WDR93: variants seen among roughly 807,000 people sequenced by gnomAD.
WDR93 encodes the protein WD repeat domain 93, also known as WD repeat-containing protein 93.
A neutral mutation model predicts 82.9 loss-of-function variants in WDR93; 73 were observed. The observed-to-expected ratio is 0.88, with a 90% CI of 0.73 to 1.07. The LOEUF (loss-of-function observed/expected upper bound fraction) is 1.07. Among genes scored for constraint, WDR93 ranks in the 50% least tolerant of loss-of-function variants. The probability of loss-of-function intolerance (pLI) is 0.00; values close to 1 mark genes in which losing one functional copy is unlikely to be tolerated. For synonymous variants in WDR93, 283 were observed against 300.1 expected (o/e 0.94, Z 0.59); for missense variants, 738 against 826.0 (o/e 0.89, Z 1.31).
chr15:89,711,970 A>G, intron 4 of WDR93, 56 bp from the exon 5 acceptor site: 2 of 1,442,088 alleles, frequency 1.4e-6, no homozygotes, highest in Non-Finnish European at 1.9e-6. Context: ...AGGTCCTGAA[A>G]TACATTCTCT....
chr15:89,731,685 G>T, intron 12 of WDR93, 123 bp downstream of exon 12: 1 of 1,334,184 alleles, frequency 7.5e-7, no homozygotes, highest in Non-Finnish European at 1.0e-6. Context: ...AGTCACCTTG[G>T]GGAACTGGTC....
intron 4 of WDR93, among the ~76,000 whole-genome samples, chr15:89,706,168 T>C (rs1021416063): frequency 3.3e-5 from 5 of 152,242 alleles, no homozygotes; most frequent in Admixed American, 1.3e-4. Flanking sequence ...AGTTTGTTCA[T>C]GTGACTGCTT....
rs932518338 is a variant in WDR93, at chr15:89,743,540, A to G, written c.*149A>G. 18 of 692,162 alleles carry G rather than the reference A, an allele frequency of 2.6e-5. No homozygotes were observed. Among genetic ancestry groups the G allele is most frequent in the African/African-American group, 1.1e-4 (6 of 55,594 alleles). 42.9% of individuals were successfully genotyped at this position (692,162 alleles called of 1,614,324 possible). A position where few individuals can be genotyped will look rare whatever the true frequency, so the allele number is the denominator to read the frequency against. Reference sequence around the variant, plus strand: ...GGGCCTCTGCAGAGCCAGCAAGGGGAAAAGTATAATCTGGGGGACCTTCAA... The same window carrying G: ...GGGCCTCTGCAGAGCCAGCAAGGGGGAAAGTATAATCTGGGGGACCTTCAA... On this transcript the variant is annotated 3_prime_UTR_variant, in exon 17 of 17. Transcript: ENST00000268130.
At chr15:89,742,428 C>A (rs1464456687) in intron 16 of WDR93, among the ~76,000 whole-genome samples, 2 of 152,134 alleles carry the variant, frequency 1.3e-5, no homozygotes, top group Non-Finnish European at 2.9e-5. Flanking sequence ...CCCCCTCCAC[C>A]CTGCTAAGCG....
chr15:89,736,234 C>T (rs1178805578), intron 14 of WDR93, among the ~76,000 whole-genome samples: 2 of 152,204 alleles, frequency 1.3e-5, no homozygotes, highest in Admixed American at 6.5e-5. Context: ...GAGAGGGAAG[C>T]GTGCGCGGTT....
chr15:89,709,359 A>T (rs549453183), intron 4 of WDR93, among the ~76,000 whole-genome samples: 68 of 152,228 alleles, frequency 4.5e-4, no homozygotes, highest in Non-Finnish European at 8.4e-4. Context: ...TAACCAGATA[A>T]CTAGAACTAA....
chr15:89,690,707 A>AT (rs1964823254), upstream of WDR93: 9 of 1,092,784 alleles, frequency 8.2e-6, no homozygotes, highest in Non-Finnish European at 1.2e-5. Context: ...ATCCCCAGGG[A>AT]ACGGTCAGTC....
At chr15:89,691,876 T>G (rs1281167622) in intron 1 of WDR93, among the ~76,000 whole-genome samples, 2 of 152,092 alleles carry the variant, frequency 1.3e-5, no homozygotes, top group Non-Finnish European at 2.9e-5. Context: ...AAGCAACAAA[T>G]TGTAAAGTAA....
chr15:89,707,338 G>T (rs1367187688), intron 4 of WDR93, among the ~76,000 whole-genome samples: 3 of 152,164 alleles, frequency 2.0e-5, no homozygotes, highest in Non-Finnish European at 2.9e-5. Flanking sequence ...ATCATTTAAG[G>T]CCAGGAGTTT....
intron 14 of WDR93, among the ~76,000 whole-genome samples, chr15:89,736,449 G>C (rs1366101996): frequency 6.6e-6 from 1 of 152,132 alleles, no homozygotes; most frequent in African/African-American, 2.4e-5. Flanking sequence ...TTGAAGTGGG[G>C]CGTACAGCAG....
intron 13 of WDR93, among the ~76,000 whole-genome samples, chr15:89,734,012 T>TGTGTGC (rs1188447668): frequency 6.6e-6 from 1 of 151,624 alleles, no homozygotes; most frequent in Non-Finnish European, 1.5e-5. Flanking sequence ...TGTGTGTGTG[T>TGTGTGC]GCGCGCGCGC....
At chr15:89,709,648 C>T (rs995827724) in intron 4 of WDR93, among the ~76,000 whole-genome samples, 11 of 152,122 alleles carry the variant, frequency 7.2e-5, no homozygotes, top group East Asian at 1.9e-4. Context: ...GACAGTGTTT[C>T]GCCATGTTGC....
chr15:89,725,570 C>T (rs370389905), intron 8 of WDR93, among the ~76,000 whole-genome samples: 21 of 141,448 alleles, frequency 1.5e-4, no homozygotes, highest in African/African-American at 2.4e-4. Context: ...TTTTTCTTTT[C>T]TTTTTTTTTT....
chr15:89,734,051 GAAT>G (rs1966967729), intron 13 of WDR93, among the ~76,000 whole-genome samples: 1 of 151,976 alleles, frequency 6.6e-6, no homozygotes, highest in Admixed American at 6.6e-5. Context: ...GTGTAATAAA[GAAT>G]AATGAGATCA....
chr15:89,710,115 G>A (rs1453484562), intron 4 of WDR93, among the ~76,000 whole-genome samples: 3 of 152,168 alleles, frequency 2.0e-5, no homozygotes, highest in African/African-American at 4.8e-5. Context: ...AGCTGAGATC[G>A]CACCACTGCA....
In WDR93 at chr15:89,701,951, G is replaced by A. The variant is rs778200414; in HGVS notation, c.205G>A (p.Asp69Asn). The change falls in exon 2 of 17, where the codon GAC (aspartate) becomes AAC (asparagine). Residue 69 changes from aspartate to asparagine, a missense_variant. Coordinates refer to ENST00000268130, the MANE Select transcript of WDR93 (RefSeq NM_020212.2). The part of the protein sequence containing the change: ...MINKLVNLLF[D>N]QSWEIIEERN... ...CAACAAGCTGGTGAACCTTCTGTTTGACCAGTCTTGGGAAATTATTGAAGA... is the reference window on the plus strand; with the variant it reads ...CAACAAGCTGGTGAACCTTCTGTTTAACCAGTCTTGGGAAATTATTGAAGA... 5 of 1,613,960 alleles carry A rather than the reference G, an allele frequency of 3.1e-6. No individual in the cohort carries two copies. In the East Asian group the frequency reaches 1.1e-4, roughly 36 times the overall value.
At chr15:89,695,086 G>T (rs1386510657) in intron 1 of WDR93, among the ~76,000 whole-genome samples, 1 of 151,656 alleles carries the variant, frequency 6.6e-6, no homozygotes, top group Non-Finnish European at 1.5e-5. Flanking sequence ...TTGTAACTTT[G>T]TGATAAGTCT....
intron 7 of WDR93, among the ~76,000 whole-genome samples, chr15:89,719,153 T>C (rs960180811): frequency 1.3e-5 from 2 of 152,154 alleles, no homozygotes; most frequent in Admixed American, 6.5e-5. Flanking sequence ...AATGGCATGA[T>C]CATGGCTCAC....
At chr15:89,732,491 C>A (rs1043115196) in intron 12 of WDR93, among the ~76,000 whole-genome samples, 1 of 152,134 alleles carries the variant, frequency 6.6e-6, no homozygotes, top group East Asian at 1.9e-4. Context: ...ACTTATTGAA[C>A]CAACAGCATT....
Sources: gnomAD v4.1 joint callset for allele counts (sites outside exome capture counted in the v4.1 genomes callset) on GRCh38, gnomAD v4.1.1 for gene constraint, MANE v1.5 for transcripts, NCBI Gene and HGNC (gene_info 2026-07-23, HGNC 2026-07-21) for gene names.